Variants in SMC4 observed in about 807,000 individuals in gnomAD.
SMC4 encodes the protein structural maintenance of chromosomes 4, also known as structural maintenance of chromosomes protein 4.
In SMC4, 87 loss-of-function variants were observed where a neutral mutation model predicts 145.6. The observed-to-expected ratio is 0.60, with a 90% confidence interval of 0.50 to 0.71. The LOEUF is 0.71. SMC4 is among the 30% of genes least tolerant of loss of function. SMC4 has a pLI of 0.00. For synonymous variants in SMC4, 558 were observed against 500.7 expected, an observed-to-expected ratio of 1.11 and a Z score of -1.53; for missense variants, 1,447 against 1,537.1, an observed-to-expected ratio of 0.94 and a Z score of 0.98.
chr3:160,401,062 T>C lies in SMC4; in HGVS notation c.139+97T>C, dbSNP rs1445909566. On this transcript the variant is annotated intron_variant, in intron 2 of 23. Transcript: ENST00000357388. ...CTGGCTGGGGTTGTTGAGCGCGGAGTTGACATCTGAAGGTCCGGTGTCGGT... is the reference window on the plus strand; with the variant it reads ...CTGGCTGGGGTTGTTGAGCGCGGAGCTGACATCTGAAGGTCCGGTGTCGGT... 11 of 1,327,292 alleles carry C rather than the reference T, an allele frequency of 8.3e-6. No homozygotes were observed. The East Asian group carries it at 3.5e-4, about 42-fold the overall frequency. The allele number at this position is 1,327,292 out of a possible 1,614,324, so 82.2% of individuals were successfully genotyped here.
rs200109398 is a variant in SMC4, at chr3:160,419,373, C to G, written c.1687C>G (p.Gln563Glu). The change falls in exon 12 of 24, where the codon CAA becomes GAA. Residue 563 changes from glutamine (Q) to glutamate (E), a missense_variant. Physicochemically the swap from Gln to Glu is conservative, Grantham distance 29. Transcript: ENST00000357388. ...TCACTTTTAGAAAGAAAAAGAACTT[C>G]AAAAACTTACACAAGAAGAAACAAA... ...QELKEKEKEL[Q>E]KLTQEETNFK... 1 of 1,587,388 alleles carries G rather than the reference C, an allele frequency of 6.3e-7. No homozygotes were observed. Among genetic ancestry groups the G allele is most frequent in the Admixed American group, 1.9e-5 (1 of 51,998 alleles).
Position 160,431,820 on chromosome 3 carries a change from A to C in SMC4, c.3292A>C (p.Lys1098Gln), listed in dbSNP as rs1347815205. Residue 1098 changes from lysine (K) to glutamine (Q), a missense_variant, in exon 21 of 24, where the codon AAG becomes CAG. Coordinates refer to ENST00000357388, the MANE Select transcript of SMC4 (RefSeq NM_001002800.3). ...CCTCGGTGCCATCGCAGAGTATAAA[A>C]AGAAGGTATGAATGAACTGTGTATG... is the stretch of plus-strand genomic sequence containing the variant. The part of the protein sequence containing the change: ...PNLGAIAEYK[K>Q]KEELYLQRVA... The C allele has an allele frequency of 6.2e-7, 1 of 1,611,634 alleles. No homozygotes were observed. Among genetic ancestry groups the C allele is most frequent in the Admixed American group, 1.7e-5 (1 of 59,070 alleles).
At chr3:160,418,154 C>T (rs1716783384) in intron 11 of SMC4, among the ~76,000 whole-genome samples, 198 bp downstream of exon 11, 1 of 152,044 alleles carries the variant, frequency 6.6e-6, no homozygotes, top group Non-Finnish European at 1.5e-5. Flanking sequence ...TCCCCAGAAG[C>T]ACCATATAGT....
intron 6 of SMC4, 43 bp downstream of exon 6, chr3:160,412,127 T>A (rs770400717): frequency 1.3e-6 from 2 of 1,576,206 alleles, no homozygotes; most frequent in Non-Finnish European, 8.6e-7. Flanking sequence ...GAATGTTTCA[T>A]TTATGATCTA....
intron 9 of SMC4, 108 bp from the exon 10 acceptor site, chr3:160,416,139 TAAAG>T: frequency 3.2e-6 from 2 of 622,822 alleles, no homozygotes; most frequent in Non-Finnish European, 5.0e-6. Context: ...ACTCTGATTA[TAAAG>T]AAAAGAAGAA....
rs535251085 is a variant in SMC4, at chr3:160,399,679, C to T, written c.-76C>T. 6.5e-6 allele frequency: 1 copy of T among 152,796 alleles called. No homozygotes were observed. Among genetic ancestry groups the T allele is most frequent in the East Asian group, 1.9e-4 (1 of 5,180 alleles). The allele number at this position is 152,796 out of a possible 1,614,324, so 9.5% of individuals were successfully genotyped here. A position where few individuals can be genotyped will look rare whatever the true frequency, so the allele number is the denominator to read the frequency against. On this transcript the variant is annotated 5_prime_UTR_variant, in exon 1 of 24. Coordinates refer to ENST00000357388, the MANE Select transcript of SMC4 (RefSeq NM_001002800.3). ...TCGAGTGAAGGACCCGGAGCCGAAA[C>T]ACCGGTAGGAGCGGGGAGGTGGGTA...
chr3:160,433,584 A>AT, intron 23 of SMC4, 73 bp from the exon 24 acceptor site: 1 of 895,774 alleles, frequency 1.1e-6, no homozygotes, highest in Non-Finnish European at 1.7e-6. Flanking sequence ...TGTCCAAAAA[A>AT]TATTTGAGGT....
intron 9 of SMC4, among the ~76,000 whole-genome samples, chr3:160,415,530 A>G (rs1488250744): frequency 2.6e-5 from 4 of 152,266 alleles, no homozygotes; most frequent in East Asian, 1.9e-4. Context: ...ACTTTACGCT[A>G]TAAGCATTTT....
chr3:160,432,196 C>T (rs1718484988), intron 21 of SMC4, 87 bp from the exon 22 acceptor site: 5 of 1,065,740 alleles, frequency 4.7e-6, no homozygotes, highest in South Asian at 1.6e-5. Context: ...GGCAAGACTA[C>T]GTCTCAAAAC....
At position 160,412,515 on chromosome 3, in the gene SMC4, C is replaced by T. The variant is rs1716120640; in HGVS notation, c.980+62C>T. ...AGTTTTTAACCATTAAGTCAAAGCC[C>T]TTCTCTTTTCCTAGAGAAACATGAA... On this transcript the variant is annotated intron_variant, in intron 7 of 23. Coordinates refer to ENST00000357388, the MANE Select transcript of SMC4 (RefSeq NM_001002800.3). 8 of 1,484,898 alleles carry T rather than the reference C, an allele frequency of 5.4e-6. No individual in the cohort carries two copies. In the South Asian group the frequency reaches 9.7e-5, roughly 18 times the overall value. 92.0% of individuals were successfully genotyped at this position (1,484,898 alleles called of 1,614,324 possible). A position where few individuals can be genotyped will look rare whatever the true frequency, so the allele number is the denominator to read the frequency against.
At chr3:160,427,097 T>A (rs915977416) in intron 17 of SMC4, among the ~76,000 whole-genome samples, 2 of 152,210 alleles carry the variant, frequency 1.3e-5, no homozygotes, top group Non-Finnish European at 2.9e-5. Flanking sequence ...CAAATGTGCA[T>A]TTATATTAAT....
Position 160,402,053 on chromosome 3 carries a change from A to G in SMC4, c.278A>G (p.Lys93Arg). 2 of 1,572,616 alleles carry G rather than the reference A, an allele frequency of 1.3e-6. No individual in the cohort carries two copies. Among genetic ancestry groups the G allele is most frequent in the Non-Finnish European group, 1.7e-6 (2 of 1,165,208 alleles). The change falls in exon 3 of 24, where the codon AAA (lysine) becomes AGA (arginine). Residue 93 changes from lysine (K) to arginine (R), a missense_variant. Transcript: ENST00000357388. ...MITHIVNQNFKSYAGEKILGP... is the reference protein window; with the variant it reads ...MITHIVNQNFRSYAGEKILGP... The stretch of plus-strand genomic sequence containing the variant: ...ACTCATATTGTAAACCAGAACTTCA[A>G]ATCCTATGCTGGGGAGAAAATTCTG...
At chr3:160,400,779 C>T in intron 1 of SMC4, 43 bp from the exon 2 acceptor site, 5 of 1,453,680 alleles carry the variant, frequency 3.4e-6, no homozygotes, top group Non-Finnish European at 4.5e-6. Flanking sequence ...CGCGGTGTAG[C>T]GGCCCGCGGG....
rs762899520 is a variant in SMC4, at chr3:160,433,031, G to A, written c.3536G>A (p.Arg1179Gln). Reference sequence around the variant, plus strand: ...GATTTTCTTAATCATTTCAGTGTTCGACCACCTAAGAAAAGTTGGAAAAAG... The same window carrying A: ...GATTTTCTTAATCATTTCAGTGTTCAACCACCTAAGAAAAGTTGGAAAAAG... ...PFSEGIMFSV[R>Q]PPKKSWKKIF... is the part of the protein sequence containing the mutation. Residue 1179 changes from arginine (R) to glutamine (Q), a missense_variant, in exon 23 of 24, where the codon CGA (arginine) becomes CAA (glutamine). Arg to Gln is a conservative substitution (Grantham distance 43, BLOSUM62 1). Coordinates refer to ENST00000357388, the MANE Select transcript of SMC4 (RefSeq NM_001002800.3). The A allele has an allele frequency of 6.2e-7, 1 of 1,608,540 alleles. No homozygotes were observed. The highest frequency in any genetic ancestry group is 8.5e-7 in the Non-Finnish European group (1 of 1,175,690).
At chr3:160,420,566 C>A in intron 12 of SMC4, 174 bp from the exon 13 acceptor site, 2 of 502,336 alleles carry the variant, frequency 4.0e-6, no homozygotes, top group South Asian at 3.4e-5. Context: ...GAAATTCAAG[C>A]TGCATATTCA....
At position 160,414,376 on chromosome 3, in the gene SMC4, T is replaced by A. The variant is rs1429052732; in HGVS notation, c.1131T>A (p.Asn377Lys). ...ATACTTGCTTTGCTAGGAAACTGAA[T>A]AAAATTACAAAATTTATTGAGGAGA... ...KDVKDTEKKLNKITKFIEENK... is the reference protein window; with the variant it reads ...KDVKDTEKKLKKITKFIEENK... The change falls in exon 9 of 24, where the codon AAT becomes AAA. Residue 377 changes from asparagine (N) to lysine (K), a missense_variant. By Grantham distance (94) the Asn-to-Lys change is moderately conservative (BLOSUM62 0). Coordinates refer to ENST00000357388, the MANE Select transcript of SMC4 (RefSeq NM_001002800.3). 1.3e-6 allele frequency: 2 copies of A among 1,598,446 alleles called. No individual in the cohort carries two copies. The highest frequency in any genetic ancestry group is 1.7e-5 in the Admixed American group (1 of 59,412).
Position 160,423,611 on chromosome 3 carries a change from A to C in SMC4, c.2206A>C (p.Arg736=), listed in dbSNP as rs777196721. The C allele has an allele frequency of 1.8e-5, 29 of 1,613,558 alleles. No individual in the cohort carries two copies. Among genetic ancestry groups the C allele is most frequent in the Non-Finnish European group, 2.5e-5 (29 of 1,179,606 alleles). ...RVAYQKDRRW[R]VVTLQGQIIE... ...AGCATATCAAAAAGATAGAAGATGG[A>C]GAGTGGTAACTTTACAGGGACAAAT... The change falls in exon 14 of 24, where the codon AGA becomes CGA. Residue 736 remains arginine, a synonymous_variant. Coordinates refer to ENST00000357388, the MANE Select transcript of SMC4 (RefSeq NM_001002800.3).
intron 8 of SMC4, chr3:160,413,980 T>C: frequency 3.1e-6 from 1 of 318,392 alleles, no homozygotes; most frequent in Non-Finnish European, 5.9e-6. Context: ...GATGCCATTT[T>C]TCAATGACAC....
At chr3:160,404,127 A>G (rs1715038945) in intron 4 of SMC4, 1 of 481,048 alleles carries the variant, frequency 2.1e-6, no homozygotes, top group Non-Finnish European at 3.6e-6. Flanking sequence ...GATCTTTGAG[A>G]AAGGGACCAA....
Sources: allele counts gnomAD v4.1 joint callset (sites outside exome capture counted in the v4.1 genomes callset), GRCh38; gene constraint gnomAD v4.1.1; transcripts MANE v1.5; gene names NCBI Gene and HGNC (gene_info 2026-07-23, HGNC 2026-07-21).